Variants in PLEKHF2 observed in about 807,000 individuals in gnomAD.
The protein encoded by PLEKHF2 is pleckstrin homology domain-containing family F member 2.
In PLEKHF2, 4 loss-of-function variants were observed where a neutral mutation model predicts 14.7. The ratio of observed to expected loss-of-function variants is 0.27; its 90% CI spans 0.13 to 0.62. PLEKHF2 has a LOEUF of 0.62. Ranked by LOEUF, PLEKHF2 falls within the 20% of genes least tolerant of loss-of-function variation. The pLI, the probability that PLEKHF2 is intolerant of heterozygous loss-of-function variation, is 0.85. For missense variants in PLEKHF2, 201 were observed against 307.7 expected, an observed-to-expected ratio of 0.65 and a Z score of 2.60; for synonymous variants, 90 against 103.5, an observed-to-expected ratio of 0.87 and a Z score of 0.79.
intron 1 of PLEKHF2, among the ~76,000 whole-genome samples, chr8:95,152,411 A>G (rs559948922): frequency 7.2e-5 from 11 of 152,220 alleles, no homozygotes; most frequent in East Asian, 5.8e-4. Context: ...CTATTTCCCT[A>G]TACCTTTATG....
At chr8:95,138,545 C>G (rs1341715733) in intron 1 of PLEKHF2, among the ~76,000 whole-genome samples, 1 of 142,372 alleles carries the variant, frequency 7.0e-6, no homozygotes, top group African/African-American at 2.9e-5. Flanking sequence ...ATTTTCTTCC[C>G]AAACTAAAAG....
At chr8:95,139,135 A>G (rs1186135009) in intron 1 of PLEKHF2, among the ~76,000 whole-genome samples, 8 of 152,192 alleles carry the variant, frequency 5.3e-5, no homozygotes, top group Admixed American at 1.3e-4. Context: ...ATTTTTTTAA[A>G]ATTGACATTT....
intron 1 of PLEKHF2, among the ~76,000 whole-genome samples, chr8:95,142,138 G>A (rs997290805): frequency 3.9e-5 from 6 of 152,248 alleles, no homozygotes; most frequent in Admixed American, 2.0e-4. Context: ...TAGTGAGCAG[G>A]TTGTAACTGT....
intron 1 of PLEKHF2, among the ~76,000 whole-genome samples, chr8:95,152,331 T>C (rs1810572380): frequency 1.3e-5 from 2 of 152,138 alleles, no homozygotes; most frequent in African/African-American, 4.8e-5. Flanking sequence ...TATATATCTC[T>C]ATGCACGTGA....
chr8:95,143,349 T>C (rs1810457997), intron 1 of PLEKHF2, among the ~76,000 whole-genome samples: 1 of 152,142 alleles, frequency 6.6e-6, no homozygotes, highest in East Asian at 1.9e-4. Context: ...TCCGCCCGCC[T>C]CGGCCTCCCA....
At chr8:95,137,235 G>A (rs1375732939) in intron 1 of PLEKHF2, among the ~76,000 whole-genome samples, 1 of 152,196 alleles carries the variant, frequency 6.6e-6, no homozygotes, top group Non-Finnish European at 1.5e-5. Context: ...CCCAAGATTC[G>A]ATGTTTGTGG....
chr8:95,140,752 C>G (rs1363389557), intron 1 of PLEKHF2, among the ~76,000 whole-genome samples: 1 of 152,162 alleles, frequency 6.6e-6, no homozygotes, highest in Non-Finnish European at 1.5e-5. Context: ...AAAATTACAT[C>G]CCACCTCAAC....
chr8:95,148,242 G>A (rs73697756), intron 1 of PLEKHF2, among the ~76,000 whole-genome samples: 4,117 of 151,348 alleles, frequency 0.027, 181 homozygotes, highest in African/African-American at 0.095. Flanking sequence ...TTGTAAATTC[G>A]TCATAAAATT....
chr8:95,148,621 C>T (rs964178673), intron 1 of PLEKHF2, among the ~76,000 whole-genome samples: 3 of 152,018 alleles, frequency 2.0e-5, no homozygotes, highest in Non-Finnish European at 2.9e-5. Context: ...AGCTACCACT[C>T]GTTGACTGCT....
At position 95,154,055 on chromosome 8, in the gene PLEKHF2, G is replaced by T. The variant is rs754315144; in HGVS notation, c.11G>T (p.Arg4Leu). The stretch of plus-strand genomic sequence containing the variant: ...GGCTATTAGTGAAAGATGGTGGATC[G>T]CTTGGCAAACAGTGAAGCAAATACT... MVD[R>L]LANSEANTRR... The change falls in exon 2 of 2, where the codon CGC becomes CTC. Residue 4 changes from arginine (R) to leucine (L), a missense_variant. Arg to Leu is a moderately radical substitution (Grantham distance 102). Coordinates refer to ENST00000315367, the MANE Select transcript of PLEKHF2 (RefSeq NM_024613.4). This position sits in a 1 kb window ranked among gnomAD's most constrained non-coding sequence, Gnocchi z 5.6. 3 of 1,572,538 alleles carry T rather than the reference G, an allele frequency of 1.9e-6. No homozygotes were observed. Among genetic ancestry groups the T allele is most frequent in the South Asian group, 1.2e-5 (1 of 83,736 alleles).
Position 95,133,961 on chromosome 8 carries a change from T to G in PLEKHF2, c.-84T>G, listed in dbSNP as rs1161924227. 4 of 152,160 alleles carry G rather than the reference T, an allele frequency of 2.6e-5. No individual in the cohort carries two copies. Among genetic ancestry groups the G allele is most frequent in the Non-Finnish European group, 5.9e-5 (4 of 68,200 alleles). 9.4% of individuals were successfully genotyped at this position (152,160 alleles called of 1,614,324 possible). ...CGGGGAACGGGCAGAGTCCGCGCCC[T>G]GCGTCCGCGACCAGGAGGATCGGAC... On this transcript the variant is annotated 5_prime_UTR_variant, in exon 1 of 2. Transcript: ENST00000315367.
chr8:95,143,496 G>A (rs1810459348), intron 1 of PLEKHF2, among the ~76,000 whole-genome samples: 1 of 152,170 alleles, frequency 6.6e-6, no homozygotes. Context: ...CTATAAAGTG[G>A]TGCAAATAAA....
intron 1 of PLEKHF2, among the ~76,000 whole-genome samples, chr8:95,148,744 A>G (rs540581777): frequency 6.6e-6 from 1 of 152,254 alleles, no homozygotes; most frequent in East Asian, 1.9e-4. Flanking sequence ...TGTTTCTGGA[A>G]CAATTAATTA....
intron 1 of PLEKHF2, among the ~76,000 whole-genome samples, chr8:95,141,381 T>C (rs535960855): frequency 4.7e-4 from 71 of 152,224 alleles, no homozygotes; most frequent in Non-Finnish European, 9.0e-4. Flanking sequence ...TCTATAGTTA[T>C]CTAAGAAAAA....
chr8:95,137,214 C>T (rs1014995823), intron 1 of PLEKHF2, among the ~76,000 whole-genome samples: 9 of 152,168 alleles, frequency 5.9e-5, no homozygotes, highest in Admixed American at 5.2e-4. Context: ...TCAGTGTTAG[C>T]GTGAGGGTCA....
At chr8:95,146,729 A>C (rs986017084) in intron 1 of PLEKHF2, among the ~76,000 whole-genome samples, 7 of 152,096 alleles carry the variant, frequency 4.6e-5, no homozygotes, top group African/African-American at 1.7e-4. Context: ...AGCTGGCTTT[A>C]TAAAAGATAT....
At chr8:95,134,099 G>A (rs1300060696) in intron 1 of PLEKHF2, 69 bp downstream of exon 1, 1 of 151,596 alleles carries the variant, frequency 6.6e-6, no homozygotes, top group Admixed American at 6.6e-5. Context: ...GAAACTTTCC[G>A]GGCGCTTCCT....
intron 1 of PLEKHF2, among the ~76,000 whole-genome samples, chr8:95,147,745 A>G (rs1810514648): frequency 1.3e-5 from 2 of 152,024 alleles, no homozygotes; most frequent in Admixed American, 1.3e-4. Context: ...CTACTGTATC[A>G]TTTCTCAAAA....
At chr8:95,135,279 TAAACAC>T (rs1810363503) in intron 1 of PLEKHF2, among the ~76,000 whole-genome samples, 1 of 152,242 alleles carries the variant, frequency 6.6e-6, no homozygotes, top group Admixed American at 6.5e-5. Context: ...AAAAGGCTCT[TAAACAC>T]AAATACAGTA....
Sources: allele counts gnomAD v4.1 joint callset (sites outside exome capture counted in the v4.1 genomes callset), GRCh38; gene constraint gnomAD v4.1.1; non-coding constraint Gnocchi (gnomAD v3.1); transcripts MANE v1.5; gene names NCBI Gene and HGNC (gene_info 2026-07-23, HGNC 2026-07-21).